Variants in SATB2 observed in about 807,000 individuals in gnomAD.
The protein encoded by SATB2 is DNA-binding protein SATB2.
In SATB2, 1 loss-of-function variant was observed where a neutral mutation model predicts 73.4. The ratio of observed to expected loss-of-function variants is 0.01; its 90% CI spans 0.00 to 0.06. The LOEUF (loss-of-function observed/expected upper bound fraction) is 0.06. SATB2 is among the 10% of genes least tolerant of loss of function. The pLI is 1.00. For synonymous variants in SATB2, 397 were observed against 367.0 expected, an observed-to-expected ratio of 1.08 and a Z score of -0.93; for missense variants, 459 against 945.8, an observed-to-expected ratio of 0.49 and a Z score of 6.75.
chr2:199,456,853 C>T (rs2105958686), intron 1 of SATB2, among the ~76,000 whole-genome samples: 1 of 151,616 alleles, frequency 6.6e-6, no homozygotes, highest in Admixed American at 6.6e-5. Context: ...ATTCTTAGTG[C>T]AAGAGCAGCC....
chr2:199,359,039 A>G (rs1689065389), intron 6 of SATB2, among the ~76,000 whole-genome samples: 1 of 152,168 alleles, frequency 6.6e-6, no homozygotes, highest in Non-Finnish European at 1.5e-5. Flanking sequence ...TATAATTTCT[A>G]AGGTGAATTC....
At chr2:199,288,625 A>AT (rs1029076958) in intron 10 of SATB2, among the ~76,000 whole-genome samples, 138 of 152,320 alleles carry the variant, frequency 9.1e-4, no homozygotes, top group African/African-American at 3.2e-3. Context: ...ACCTCAGCAT[A>AT]TTTTTTGCTT....
At chr2:199,460,326 C>T (rs1331502479), upstream of SATB2, 3 of 152,266 alleles carry the variant, frequency 2.0e-5, no homozygotes, top group Admixed American at 6.6e-5. This position sits in a 1 kb window ranked among gnomAD's most constrained non-coding sequence, Gnocchi z 4.0. Flanking sequence ...TGTAATATGT[C>T]GAAATGGGAA....
intron 5 of SATB2, among the ~76,000 whole-genome samples, chr2:199,375,648 A>T (rs1689576992): frequency 6.6e-6 from 1 of 152,158 alleles, no homozygotes; most frequent in Admixed American, 6.5e-5. Flanking sequence ...AATCACCTAA[A>T]ATGGTTTGGC....
chr2:199,355,328 G>A (rs1313737911), intron 6 of SATB2, among the ~76,000 whole-genome samples: 8 of 14,882 alleles, frequency 5.4e-4, no homozygotes, highest in Admixed American at 3.0e-3. Context: ...ATATGTATGT[G>A]TGTGTGTGTG....
chr2:199,403,935 A>G (rs1400484847), intron 3 of SATB2, among the ~76,000 whole-genome samples: 1 of 152,244 alleles, frequency 6.6e-6, no homozygotes, highest in Non-Finnish European at 1.5e-5. Flanking sequence ...GAGGACACAG[A>G]GAATCAGAAG....
At chr2:199,320,152 G>T (rs557849395) in intron 9 of SATB2, among the ~76,000 whole-genome samples, 2 of 152,174 alleles carry the variant, frequency 1.3e-5, no homozygotes, top group African/African-American at 4.8e-5. Context: ...TGGGGCATTC[G>T]CTCCCTGGTG....
chr2:199,328,258 T>C (rs1206359146), intron 8 of SATB2, among the ~76,000 whole-genome samples: 1 of 152,098 alleles, frequency 6.6e-6, no homozygotes, highest in African/African-American at 2.4e-5. Flanking sequence ...ATCATAGAAT[T>C]GGCCATGGAC....
At chr2:199,305,633 GAA>G (rs1271760058) in intron 10 of SATB2, among the ~76,000 whole-genome samples, 2 of 152,102 alleles carry the variant, frequency 1.3e-5, no homozygotes. Flanking sequence ...CTCTTCTTAA[GAA>G]GAGAGGCTGT....
In SATB2 at chr2:199,311,562, T is replaced by G. The variant is rs115141531; in HGVS notation, c.1543-2605A>C. Among the ~76,000 whole-genome samples, 504 of 152,232 alleles carry G rather than the reference T, an allele frequency of 3.3e-3. 1 individual carries two copies. Among genetic ancestry groups the G allele is most frequent in the African/African-American group, 0.012 (480 of 41,534 alleles). On this transcript the variant is annotated intron_variant, in intron 9 of 10. Coordinates refer to ENST00000417098, the MANE Select transcript of SATB2 (RefSeq NM_001172509.2). ...CACAAAATCGGAAGGTGATCCTAAC[T>G]CTACCTTGCTCTTCTCCTAAAGGCC...
intron 7 of SATB2, among the ~76,000 whole-genome samples, chr2:199,331,700 T>C (rs1688195095): frequency 6.6e-6 from 1 of 152,112 alleles, no homozygotes; most frequent in African/African-American, 2.4e-5. Context: ...AAAAATGTAG[T>C]CCAAATTCTG....
At chr2:199,307,585 A>G (rs937612154) in intron 10 of SATB2, among the ~76,000 whole-genome samples, 1 of 152,224 alleles carries the variant, frequency 6.6e-6, no homozygotes, top group East Asian at 1.9e-4. Flanking sequence ...CCTAATTGCC[A>G]AACTATTAAG....
upstream of SATB2, among the ~76,000 whole-genome samples, chr2:199,459,485 C>T (rs1692412018): frequency 6.6e-6 from 1 of 152,168 alleles, no homozygotes; most frequent in South Asian, 2.1e-4. This position sits in a 1 kb window ranked among gnomAD's most constrained non-coding sequence, Gnocchi z 4.2. Context: ...CCGCAGCCCC[C>T]GCGAGATACC....
At chr2:199,341,739 G>A (rs1226608592) in intron 7 of SATB2, among the ~76,000 whole-genome samples, 1 of 152,154 alleles carries the variant, frequency 6.6e-6, no homozygotes, top group Non-Finnish European at 1.5e-5. Context: ...CTATAGATAG[G>A]TTTTACTCAA....
chr2:199,388,152 C>T (rs938531167), intron 3 of SATB2, among the ~76,000 whole-genome samples: 1 of 152,120 alleles, frequency 6.6e-6, no homozygotes, highest in Non-Finnish European at 1.5e-5. Flanking sequence ...TGTGATAATA[C>T]ATTATAATCA....
intron 10 of SATB2, among the ~76,000 whole-genome samples, chr2:199,295,208 A>G (rs1247883994): frequency 6.6e-6 from 1 of 152,210 alleles, no homozygotes; most frequent in Non-Finnish European, 1.5e-5. Context: ...TTAAATAAAC[A>G]TTTTTGTTAT....
chr2:199,351,841 A>G (rs1354184170), intron 6 of SATB2, among the ~76,000 whole-genome samples: 1 of 152,176 alleles, frequency 6.6e-6, no homozygotes, highest in African/African-American at 2.4e-5. Flanking sequence ...CAGGTTCTTA[A>G]TAAGGAAATA....
chr2:199,362,189 C>G (rs6716222), intron 6 of SATB2, among the ~76,000 whole-genome samples: 119,886 of 152,046 alleles, frequency 0.79, 48,942 homozygotes, highest in Non-Finnish European at 0.89. Context: ...TCTAGACATT[C>G]TGGATAGCCA....
chr2:199,421,799 G>A (rs1464511387), intron 3 of SATB2, among the ~76,000 whole-genome samples: 1 of 152,046 alleles, frequency 6.6e-6, no homozygotes, highest in Non-Finnish European at 1.5e-5. Context: ...CACAGACAAA[G>A]GTAAGAAAGC....
Sources: allele counts gnomAD v4.1 joint callset (sites outside exome capture counted in the v4.1 genomes callset), GRCh38; gene constraint gnomAD v4.1.1; non-coding constraint Gnocchi (gnomAD v3.1); transcripts MANE v1.5; gene names NCBI Gene and HGNC (gene_info 2026-07-23, HGNC 2026-07-21).